Variants in PLCG2 observed in about 807,000 individuals in gnomAD.
PLCG2 encodes 1-phosphatidylinositol 4,5-bisphosphate phosphodiesterase gamma-2.
In PLCG2, 69 loss-of-function variants were observed where a neutral mutation model predicts 175.6. That is an observed-to-expected ratio of 0.39 (90% CI 0.32 to 0.48). PLCG2 has a LOEUF of 0.48. PLCG2 is among the 20% of genes least tolerant of loss of function. The probability of loss-of-function intolerance (pLI) is 0.91; values close to 1 mark genes in which losing one functional copy is unlikely to be tolerated. For synonymous variants in PLCG2, 827 were observed against 624.0 expected, an observed-to-expected ratio of 1.33 and a Z score of -4.85; for missense variants, 1,798 against 1,650.9, an observed-to-expected ratio of 1.09 and a Z score of -1.54.
rs186444956 is a variant in PLCG2 at position 81,770,963 on chromosome 16, C to T, written c.-47-14980C>T. Among the ~76,000 whole-genome samples the T allele has an allele frequency of 2.4e-3, 357 of 151,170 alleles. 2 individuals are homozygous for T. The highest frequency in any genetic ancestry group is 7.8e-3 in the African/African-American group (320 of 41,116). On this transcript the variant is annotated intron_variant, in intron 2 of 5. Coordinates refer to the PLCG2 transcript ENST00000565054. ...GTCCCAGCTACTCGGGAGGCTGAGG[C>T]AGGAGAATGGTGTGAACCCGGGAGG...
chr16:81,857,483 C>G (rs1301507522), intron 3 of PLCG2, among the ~76,000 whole-genome samples: 1 of 152,082 alleles, frequency 6.6e-6, no homozygotes, highest in African/African-American at 2.4e-5. Flanking sequence ...TATTTTCTCA[C>G]AATTCTGGGG....
intron 2 of PLCG2, chr16:81,842,777 C>T (rs762685355): frequency 3.5e-4 from 53 of 151,966 alleles, no homozygotes; most frequent in Middle Eastern, 6.8e-3. Context: ...CATGGCCCGG[C>T]CAGCAAAGGG....
Position 81,900,784 on chromosome 16 carries a change from G to T in PLCG2, c.1362+4G>T. On this transcript the variant is annotated splice_donor_region_variant and intron_variant, in intron 14 of 32. Transcript: ENST00000564138. Reference sequence around the variant, plus strand: ...GCGGGAGAAGATCATCATCAAGGTAGGCACCCCGGGTGCTGCTGTTGGCTG... The same window carrying T: ...GCGGGAGAAGATCATCATCAAGGTATGCACCCCGGGTGCTGCTGTTGGCTG... 1 of 1,594,400 alleles carries T rather than the reference G, an allele frequency of 6.3e-7. No individual in the cohort carries two copies. The highest frequency in any genetic ancestry group is 2.3e-5 in the East Asian group (1 of 44,256).
chr16:81,845,419 GGTAA>G (rs1410656146), intron 2 of PLCG2, among the ~76,000 whole-genome samples: 2 of 152,166 alleles, frequency 1.3e-5, no homozygotes, highest in Admixed American at 6.5e-5. Flanking sequence ...AGCACTGTGT[GGTAA>G]GTATCACTAT....
intron 11 of PLCG2, among the ~76,000 whole-genome samples, chr16:81,891,996 T>A (rs199921771): frequency 6.6e-6 from 1 of 152,240 alleles, no homozygotes; most frequent in East Asian, 1.9e-4. Flanking sequence ...GATGTGGCTG[T>A]GAACCGGCAG....
intron 7 of PLCG2, among the ~76,000 whole-genome samples, chr16:81,874,664 G>A (rs922212468): frequency 1.3e-5 from 2 of 152,178 alleles, no homozygotes; most frequent in African/African-American, 4.8e-5. Flanking sequence ...ATAATCCCCA[G>A]AACTAAATCC....
intron 11 of PLCG2, among the ~76,000 whole-genome samples, chr16:81,892,427 C>A (rs1908680133): frequency 6.6e-6 from 1 of 152,016 alleles, no homozygotes; most frequent in African/African-American, 2.4e-5. Context: ...GGGTGATGGC[C>A]CCCACAGCTG....
intron 21 of PLCG2, among the ~76,000 whole-genome samples, chr16:81,923,026 A>G (rs1910120198): frequency 6.6e-6 from 1 of 152,186 alleles, no homozygotes; most frequent in Admixed American, 6.5e-5. Context: ...CAGGACAGGC[A>G]GGAAGAATGG....
At position 81,927,377 on chromosome 16, in the gene PLCG2, C is replaced by T. The variant is rs780827612; in HGVS notation, c.2514+199C>T. ...GGGTGAGTTGCTGTGACAAGCCGGC[C>T]GTGTTTTAATCAGGTTGTGTTGGGC... is the stretch of plus-strand genomic sequence containing the variant. On this transcript the variant is annotated intron_variant, in intron 23 of 32. Coordinates refer to ENST00000564138, the MANE Select transcript of PLCG2 (RefSeq NM_002661.5). Among the ~76,000 whole-genome samples the T allele has an allele frequency of 7.6e-4, 115 of 152,126 alleles. No individual in the cohort carries two copies. The Middle Eastern group carries it at 0.01, about 13-fold the overall frequency.
Position 81,936,456 on chromosome 16 carries a change from G to C in PLCG2, c.3052+78G>C. The C allele has an allele frequency of 6.3e-6, 7 of 1,116,760 alleles. No individual in the cohort carries two copies. In the South Asian group the frequency reaches 8.9e-5, roughly 14 times the overall value. 69.2% of individuals were successfully genotyped at this position (1,116,760 alleles called of 1,614,324 possible). ...CTCCAGGCCGAGTCACCTTGGGTCA[G>C]CGATACCATGTGGTGTCCAAGAATG... is the stretch of plus-strand genomic sequence containing the variant. On this transcript the variant is annotated intron_variant, in intron 27 of 32. Coordinates refer to ENST00000564138, the MANE Select transcript of PLCG2 (RefSeq NM_002661.5).
At chr16:81,908,955 G>A (rs917825476) in intron 17 of PLCG2, among the ~76,000 whole-genome samples, 2 of 152,184 alleles carry the variant, frequency 1.3e-5, no homozygotes, top group Non-Finnish European at 2.9e-5. Flanking sequence ...GGCTCTGGAT[G>A]ATTCAGCCAA....
intron 2 of PLCG2, among the ~76,000 whole-genome samples, chr16:81,790,840 A>G (rs1911199489): frequency 6.6e-6 from 1 of 152,074 alleles, no homozygotes; most frequent in Non-Finnish European, 1.5e-5. Flanking sequence ...CACCTGGGAT[A>G]CAGGGTGCTA....
intron 15 of PLCG2, 45 bp downstream of exon 15, chr16:81,905,552 G>A (rs11859176): frequency 1.3e-5 from 16 of 1,269,806 alleles, no homozygotes; most frequent in Non-Finnish European, 3.5e-6. Context: ...CACGCCCCTT[G>A]CAGCTGCTTC....
chr16:81,880,851 GT>G, intron 7 of PLCG2, 58 bp from the exon 8 acceptor site: 1 of 1,518,600 alleles, frequency 6.6e-7, no homozygotes. Flanking sequence ...AAATCTTTCC[GT>G]TTTTGCATTA....
chr16:81,819,936 G>T (rs766446699), intron 2 of PLCG2, among the ~76,000 whole-genome samples: 2 of 152,088 alleles, frequency 1.3e-5, no homozygotes, highest in Non-Finnish European at 2.9e-5. Context: ...CATTATCAGA[G>T]AAATGCAGAT....
chr16:81,894,316 C>G (rs1167085684), intron 12 of PLCG2, among the ~76,000 whole-genome samples: 1 of 152,218 alleles, frequency 6.6e-6, no homozygotes, highest in Non-Finnish European at 1.5e-5. Flanking sequence ...GTGGTCCCAA[C>G]AACTTGGGAG....
At chr16:81,935,848 C>G in intron 26 of PLCG2, 1 of 985,212 alleles carries the variant, frequency 1.0e-6, no homozygotes, top group Non-Finnish European at 1.2e-6. Flanking sequence ...AAACCATTCC[C>G]ATTCTCCCTC....
intron 10 of PLCG2, among the ~76,000 whole-genome samples, chr16:81,890,061 T>A (rs2143597898): frequency 6.6e-6 from 1 of 152,148 alleles, no homozygotes; most frequent in South Asian, 2.1e-4. Flanking sequence ...TGCTTCTGGG[T>A]GGGGCCACAG....
At chr16:81,875,126 G>A (rs1159832681) in intron 7 of PLCG2, among the ~76,000 whole-genome samples, 1 of 151,852 alleles carries the variant, frequency 6.6e-6, no homozygotes, top group Non-Finnish European at 1.5e-5. Context: ...ATCACGCCTG[G>A]CTAATTTTTG....
Sources: gnomAD v4.1 joint callset for allele counts (sites outside exome capture counted in the v4.1 genomes callset) on GRCh38, gnomAD v4.1.1 for gene constraint, MANE v1.5 for transcripts, NCBI Gene and HGNC (gene_info 2026-07-23, HGNC 2026-07-21) for gene names.